Variants in ADGRL3 observed in about 807,000 individuals in gnomAD.
The protein encoded by ADGRL3 is adhesion G protein-coupled receptor L3, also known as calcium-independent alpha-latrotoxin receptor 3.
A neutral mutation model predicts 153.5 loss-of-function variants in ADGRL3; 62 were observed. The ratio of observed to expected loss-of-function variants is 0.40; its 90% CI spans 0.33 to 0.50. ADGRL3 has a LOEUF of 0.50. Among genes scored for constraint, ADGRL3 ranks in the 20% least tolerant of loss-of-function variants. ADGRL3 has a pLI of 0.47. For synonymous variants in ADGRL3, 710 were observed against 672.5 expected, an observed-to-expected ratio of 1.06 and a Z score of -0.86; for missense variants, 1,641 against 1,859.4, an observed-to-expected ratio of 0.88 and a Z score of 2.16.
At chr4:61,563,144 T>C (rs1262761149) in intron 4 of ADGRL3, among the ~76,000 whole-genome samples, 1 of 152,146 alleles carries the variant, frequency 6.6e-6, no homozygotes, top group Non-Finnish European at 1.5e-5. Flanking sequence ...ACTCGATCTA[T>C]AGACTGGAGT....
chr4:61,236,458 A>G (rs1752905050), intron 1 of ADGRL3, among the ~76,000 whole-genome samples: 1 of 152,094 alleles, frequency 6.6e-6, no homozygotes, highest in Admixed American at 6.6e-5. Flanking sequence ...ATACCATTCA[A>G]AACTCTTTTT....
At chr4:61,456,934 A>T (rs1187936062) in intron 2 of ADGRL3, among the ~76,000 whole-genome samples, 1 of 152,022 alleles carries the variant, frequency 6.6e-6, no homozygotes, top group Admixed American at 6.6e-5. Context: ...ACCAATAAAT[A>T]TCTTTTTATA....
At chr4:61,363,099 C>A (rs2096319010) in intron 1 of ADGRL3, among the ~76,000 whole-genome samples, 1 of 152,106 alleles carries the variant, frequency 6.6e-6, no homozygotes, top group African/African-American at 2.4e-5. Flanking sequence ...TAAAATATTT[C>A]TTTTAGAACT....
chr4:61,485,980 G>A (rs1018583566), intron 2 of ADGRL3, among the ~76,000 whole-genome samples: 2 of 150,812 alleles, frequency 1.3e-5, no homozygotes, highest in African/African-American at 4.9e-5. Context: ...GTCTCGCTCT[G>A]TCGCCCCGGC....
intron 6 of ADGRL3, among the ~76,000 whole-genome samples, chr4:61,690,825 T>TG (rs1223610584): frequency 1.2e-4 from 18 of 152,180 alleles, no homozygotes; most frequent in Non-Finnish European, 2.4e-4. Flanking sequence ...TGTCCTGCTC[T>TG]GTTACTTATC....
intron 3 of ADGRL3, among the ~76,000 whole-genome samples, chr4:61,499,579 A>G (rs529063305): frequency 6.6e-6 from 1 of 152,202 alleles, no homozygotes. Flanking sequence ...AGTACAGTGC[A>G]TAGAAAATAT....
At chr4:61,575,248 CTAA>C (rs763313069) in intron 4 of ADGRL3, among the ~76,000 whole-genome samples, 5 of 151,906 alleles carry the variant, frequency 3.3e-5, no homozygotes, top group Admixed American at 2.0e-4. Context: ...TCAGCTTCCT[CTAA>C]TAAGAGTTTT....
At chr4:61,719,394 T>C (rs1204726177) in intron 6 of ADGRL3, among the ~76,000 whole-genome samples, 1 of 152,162 alleles carries the variant, frequency 6.6e-6, no homozygotes, top group Non-Finnish European at 1.5e-5. Context: ...ATGAACACAC[T>C]GTGATGGTCA....
intron 1 of ADGRL3, among the ~76,000 whole-genome samples, chr4:61,267,637 A>G (rs961346933): frequency 6.6e-6 from 1 of 151,596 alleles, no homozygotes; most frequent in Non-Finnish European, 1.5e-5. Context: ...TTTTCCTGAT[A>G]TCATGATTCA....
intron 5 of ADGRL3, among the ~76,000 whole-genome samples, chr4:61,648,346 C>A (rs939788047): frequency 1.7e-5 from 2 of 120,050 alleles, no homozygotes; most frequent in Admixed American, 1.8e-4. Flanking sequence ...GAAATGAAAT[C>A]GGCTTTTTTT....
intron 1 of ADGRL3, among the ~76,000 whole-genome samples, chr4:61,240,564 T>C (rs1017651505): frequency 6.6e-6 from 1 of 152,162 alleles, no homozygotes; most frequent in African/African-American, 2.4e-5. Context: ...CTGTAATTTT[T>C]AACTCTTTTA....
intron 8 of ADGRL3, among the ~76,000 whole-genome samples, chr4:61,737,975 G>A (rs2096538807): frequency 6.6e-6 from 1 of 151,136 alleles, no homozygotes; most frequent in African/African-American, 2.4e-5. Context: ...GTGGTATTTG[G>A]TTACATGAGT....
chr4:61,694,672 A>C (rs2095608427), intron 6 of ADGRL3, among the ~76,000 whole-genome samples: 1 of 148,996 alleles, frequency 6.7e-6, no homozygotes. Context: ...TAATTTCTTA[A>C]AATAAAATAA....
chr4:62,031,611 G>A lies in ADGRL3; in HGVS notation c.3591+1G>A. 6.3e-7 allele frequency: 1 copy of A among 1,593,548 alleles called. No individual in the cohort carries two copies. Among genetic ancestry groups the A allele is most frequent in the Non-Finnish European group, 8.6e-7 (1 of 1,167,452 alleles). On this transcript the variant is annotated splice_donor_variant, in intron 23 of 26. Coordinates refer to ENST00000683033, the MANE Select transcript of ADGRL3 (RefSeq NM_001387552.1). LOFTEE classifies it high-confidence loss of function. ...TTTCCATTGTGTCCTACAGAAGAAG[G>A]TAAGCTAGAATTCTTTTTTTAAAAT... is the stretch of plus-strand genomic sequence containing the variant.
intron 6 of ADGRL3, among the ~76,000 whole-genome samples, chr4:61,705,877 A>G (rs1185068122): frequency 6.6e-6 from 1 of 152,180 alleles, no homozygotes; most frequent in Non-Finnish European, 1.5e-5. Flanking sequence ...TGAGTAGACC[A>G]TGCTGTAAAC....
intron 8 of ADGRL3, among the ~76,000 whole-genome samples, chr4:61,808,339 G>A (rs1290284518): frequency 6.6e-6 from 1 of 152,074 alleles, no homozygotes; most frequent in African/African-American, 2.4e-5. Context: ...ATTACTCCAT[G>A]TTTTCTGTGC....
At chr4:61,689,948 G>A (rs552578818) in intron 6 of ADGRL3, among the ~76,000 whole-genome samples, 2 of 152,096 alleles carry the variant, frequency 1.3e-5, no homozygotes, top group Admixed American at 6.6e-5. Context: ...TATTAGGGAA[G>A]GTGGGTGTAA....
chr4:61,734,620 C>T (rs2151838747), intron 8 of ADGRL3, among the ~76,000 whole-genome samples: 1 of 152,290 alleles, frequency 6.6e-6, no homozygotes, highest in South Asian at 2.1e-4. Flanking sequence ...CCACCAGGTC[C>T]TGCCCTCCAC....
rs116267553 is a variant in ADGRL3 at position 61,330,498 on chromosome 4, G to T, written c.-239-52626G>T. Among the ~76,000 whole-genome samples, 643 of 152,224 alleles carry T rather than the reference G, an allele frequency of 4.2e-3. 4 individuals carry two copies. The highest frequency in any genetic ancestry group is 0.015 in the African/African-American group (626 of 41,542). On this transcript the variant is annotated intron_variant, in intron 1 of 26. Transcript: ENST00000683033. ...TGAAACTATGCCTGCAGCTTTCCCG[G>T]TTCTCAAGCTTGCACACAGCAGCAG...
Sources: gnomAD v4.1 joint callset for allele counts (sites outside exome capture counted in the v4.1 genomes callset) on GRCh38, gnomAD v4.1.1 for gene constraint, MANE v1.5 for transcripts, NCBI Gene and HGNC (gene_info 2026-07-23, HGNC 2026-07-21) for gene names.